Variants in AGBL1 observed in about 807,000 individuals in gnomAD.
The protein encoded by AGBL1 is cytosolic carboxypeptidase 4.
In AGBL1, 130 loss-of-function variants were observed where a neutral mutation model predicts 118.9. The observed-to-expected ratio is 1.09, with a 90% CI of 0.95 to 1.26. The LOEUF is 1.26. Among genes scored for constraint, AGBL1 ranks in the 50% most tolerant of loss-of-function variants. The pLI is 0.00. For synonymous variants in AGBL1, 555 were observed against 478.9 expected, an observed-to-expected ratio of 1.16 and a Z score of -2.08; for missense variants, 1,584 against 1,298.1, an observed-to-expected ratio of 1.22 and a Z score of -3.38.
chr15:86,827,384 CACATAT>C lies in AGBL1; in HGVS notation c.3159-79701_3159-79696del, dbSNP rs1567194564. Among the ~76,000 whole-genome samples, 65 of 10,834 alleles carry C rather than the reference CACATAT, an allele frequency of 6.0e-3. 12 individuals carry two copies. Among genetic ancestry groups the C allele is most frequent in the African/African-American group, 0.012 (51 of 4,256 alleles). The allele number at this position is 10,834 out of a possible 152,430, so 7.1% of individuals were successfully genotyped here. A position where few individuals can be genotyped will look rare whatever the true frequency, so the allele number is the denominator to read the frequency against. ...ATATGTGTGTGTATATATATATATA[CACATAT>C]ATATATACATATATATATGTGTATA... On this transcript the variant is annotated intron_variant, in intron 22 of 22. Coordinates refer to ENST00000614907, the MANE Select transcript of AGBL1 (RefSeq NM_001386094.1).
chr15:86,884,587 A>C (rs935457855), intron 22 of AGBL1, among the ~76,000 whole-genome samples: 3 of 152,212 alleles, frequency 2.0e-5, no homozygotes, highest in African/African-American at 7.2e-5. Context: ...CGAGGCAGGC[A>C]GATCACTTCA....
intron 9 of AGBL1, 66 bp downstream of exon 9, chr15:86,258,097 T>C (rs2078925832): frequency 6.5e-7 from 1 of 1,531,124 alleles, no homozygotes; most frequent in East Asian, 2.3e-5. Flanking sequence ...AAATATTACT[T>C]CCTGTGTTTG....
At chr15:86,328,316 G>C (rs551143613) in intron 17 of AGBL1, among the ~76,000 whole-genome samples, 1 of 152,134 alleles carries the variant, frequency 6.6e-6, no homozygotes, top group African/African-American at 2.4e-5. Flanking sequence ...GAGAAATGGA[G>C]AGAGAACGAT....
At chr15:86,347,389 C>G (rs758729450) in intron 17 of AGBL1, among the ~76,000 whole-genome samples, 1 of 152,186 alleles carries the variant, frequency 6.6e-6, no homozygotes, top group Non-Finnish European at 1.5e-5. Context: ...ATTTATCTTG[C>G]TACCTGTAAC....
At chr15:86,242,487 A>G (rs1315110386) in intron 6 of AGBL1, among the ~76,000 whole-genome samples, 1 of 152,226 alleles carries the variant, frequency 6.6e-6, no homozygotes, top group East Asian at 1.9e-4. Context: ...TCAAAGTCGC[A>G]CAGCTAGAAA....
At chr15:86,877,533 G>A (rs958972124) in intron 22 of AGBL1, among the ~76,000 whole-genome samples, 4 of 152,122 alleles carry the variant, frequency 2.6e-5, no homozygotes, top group Admixed American at 6.5e-5. Context: ...TCCTGTTACC[G>A]CTGGGGAAGG....
At chr15:86,764,828 C>A (rs2078072812) in intron 22 of AGBL1, among the ~76,000 whole-genome samples, 1 of 151,962 alleles carries the variant, frequency 6.6e-6, no homozygotes, top group East Asian at 1.9e-4. Context: ...TAATTTGGGC[C>A]ACCTTTGAGC....
At chr15:87,009,527 C>A (rs949532014) in intron 24 of AGBL1, among the ~76,000 whole-genome samples, 2 of 152,188 alleles carry the variant, frequency 1.3e-5, no homozygotes, top group Non-Finnish European at 2.9e-5. Context: ...ACACAGAGTC[C>A]CCACTGGGGC....
chr15:86,141,612 C>T (rs568047854), intron 1 of AGBL1, among the ~76,000 whole-genome samples: 24 of 152,292 alleles, frequency 1.6e-4, no homozygotes, highest in African/African-American at 5.3e-4. Context: ...GATCGCACCA[C>T]TGCACCCCCG....
At chr15:86,197,585 C>T (rs575768298) in intron 5 of AGBL1, among the ~76,000 whole-genome samples, 19 of 152,062 alleles carry the variant, frequency 1.2e-4, no homozygotes, top group Non-Finnish European at 2.4e-4. Flanking sequence ...TTCCTGAATG[C>T]TTAGAGAAAA....
intron 22 of AGBL1, among the ~76,000 whole-genome samples, chr15:86,683,911 G>A (rs985728835): frequency 5.9e-5 from 9 of 152,216 alleles, no homozygotes; most frequent in East Asian, 3.9e-4. Context: ...CATCATTACC[G>A]CTTTCTCTTC....
At chr15:86,726,008 G>A (rs574077148) in intron 22 of AGBL1, among the ~76,000 whole-genome samples, 13 of 152,224 alleles carry the variant, frequency 8.5e-5, no homozygotes, top group Non-Finnish European at 1.0e-4. Context: ...ATGGTATTTT[G>A]TTCAACCTTC....
chr15:86,092,085 C>T (rs905788367), intron 1 of AGBL1, among the ~76,000 whole-genome samples: 2 of 152,112 alleles, frequency 1.3e-5, no homozygotes, highest in Non-Finnish European at 2.9e-5. Context: ...CAAACCCTTA[C>T]TAGGCATTGA....
At chr15:86,484,332 G>C (rs1469778490) in intron 18 of AGBL1, among the ~76,000 whole-genome samples, 1 of 152,078 alleles carries the variant, frequency 6.6e-6, no homozygotes, top group Non-Finnish European at 1.5e-5. Context: ...ACTGCACAGA[G>C]GAGGGCAGCG....
intron 17 of AGBL1, among the ~76,000 whole-genome samples, chr15:86,333,312 T>A (rs1422066649): frequency 1.3e-5 from 2 of 152,038 alleles, no homozygotes. Context: ...GAAAAAGAGA[T>A]AAGATCCAAA....
intron 19 of AGBL1, among the ~76,000 whole-genome samples, chr15:86,529,288 G>T (rs1311463744): frequency 3.7e-5 from 5 of 134,122 alleles, no homozygotes; most frequent in Non-Finnish European, 7.5e-5. Context: ...TGAAAACCAA[G>T]GCTCGAGAAC....
intron 22 of AGBL1, among the ~76,000 whole-genome samples, chr15:86,801,364 C>A (rs1159145526): frequency 8.1e-6 from 1 of 123,858 alleles, no homozygotes; most frequent in Non-Finnish European, 1.8e-5. Context: ...TATATTAAAG[C>A]CTTCTTAAAA....
At chr15:86,812,885 A>G (rs1031188330) in intron 22 of AGBL1, among the ~76,000 whole-genome samples, 1 of 152,132 alleles carries the variant, frequency 6.6e-6, no homozygotes, top group Non-Finnish European at 1.5e-5. Context: ...TGAGTATAAT[A>G]TTTGCAGTTA....
intron 3 of AGBL1, among the ~76,000 whole-genome samples, chr15:86,150,381 C>T (rs2077091681): frequency 6.6e-6 from 1 of 152,012 alleles, no homozygotes; most frequent in Non-Finnish European, 1.5e-5. Flanking sequence ...AGACCACCAG[C>T]AAGGCTAATG....
Sources: gnomAD v4.1 joint callset for allele counts (sites outside exome capture counted in the v4.1 genomes callset) on GRCh38, gnomAD v4.1.1 for gene constraint, MANE v1.5 for transcripts, NCBI Gene and HGNC (gene_info 2026-07-23, HGNC 2026-07-21) for gene names.